DNAH5: variants seen among roughly 807,000 people sequenced by gnomAD.
DNAH5 encodes dynein axonemal heavy chain 5.
DNAH5 carries 372 observed loss-of-function variants against 518.2 expected under a neutral mutation model. The ratio of observed to expected loss-of-function variants is 0.72; its 90% CI spans 0.66 to 0.78. The LOEUF is 0.78. DNAH5 is among the 30% of genes least tolerant of loss of function. The pLI is 0.00. For synonymous variants in DNAH5, 2,039 were observed against 2,025.9 expected, an observed-to-expected ratio of 1.01 and a Z score of -0.17; for missense variants, 5,523 against 5,687.0, an observed-to-expected ratio of 0.97 and a Z score of 0.93.
In DNAH5 at chr5:13,724,243, A is replaced by G. The variant is rs143981715; in HGVS notation, c.12034-2998T>C. ...CCTTGCACCAGTGTGCCTTGGATGC[A>G]GGACACGGGGTCAAAGGAAATTATT... On this transcript the variant is annotated intron_variant, in intron 70 of 78. Transcript: ENST00000265104. Among the ~76,000 whole-genome samples the G allele has an allele frequency of 3.0e-4, 46 of 152,370 alleles. No homozygotes were observed. In the East Asian group the frequency reaches 8.1e-3, roughly 27 times the overall value.
intron 16 of DNAH5, among the ~76,000 whole-genome samples, chr5:13,891,754 TC>T (rs1221382654): frequency 6.6e-6 from 1 of 152,226 alleles, no homozygotes; most frequent in African/African-American, 2.4e-5. Context: ...AAGTGAAAGT[TC>T]CCTATTTTTT....
At chr5:13,735,072 C>T in intron 68 of DNAH5, 59 bp downstream of exon 68, 1 of 1,529,068 alleles carries the variant, frequency 6.5e-7, no homozygotes, top group Non-Finnish European at 9.0e-7. Flanking sequence ...CTGCAAAGGG[C>T]TTTCACAATA....
chr5:13,830,308 T>A, intron 36 of DNAH5, 95 bp from the exon 37 acceptor site: 1 of 1,194,838 alleles, frequency 8.4e-7, no homozygotes, highest in Non-Finnish European at 1.2e-6. Flanking sequence ...GAGCCAGATG[T>A]AAGTTCATTC....
intron 1 of DNAH5, among the ~76,000 whole-genome samples, chr5:14,011,548 C>T (rs1234841606): frequency 1.3e-5 from 2 of 152,154 alleles, no homozygotes. Context: ...TCTCTGCCGC[C>T]AACCCCGCGA....
At chr5:13,748,878 T>A (rs1321852509) in intron 65 of DNAH5, among the ~76,000 whole-genome samples, 5 of 152,012 alleles carry the variant, frequency 3.3e-5, no homozygotes. Context: ...TATTTCTTTC[T>A]CCTGCTTGAT....
intron 22 of DNAH5, among the ~76,000 whole-genome samples, chr5:13,872,195 T>G (rs17209452): frequency 0.017 from 2,605 of 152,254 alleles, 30 homozygotes; most frequent in Non-Finnish European, 0.028. Flanking sequence ...CTGAACCCAC[T>G]GGAAGCCTCA....
chr5:13,779,970 T>C (rs1473531998), intron 53 of DNAH5, among the ~76,000 whole-genome samples: 3 of 152,210 alleles, frequency 2.0e-5, no homozygotes, highest in Non-Finnish European at 2.9e-5. Context: ...GAGCAACTCA[T>C]CAATGGTTTC....
intron 1 of DNAH5, among the ~76,000 whole-genome samples, chr5:13,938,987 C>A (rs924305717): frequency 1.3e-5 from 2 of 152,164 alleles, no homozygotes; most frequent in Non-Finnish European, 2.9e-5. Context: ...TCTTTTCTTT[C>A]TTTAAAGACA....
intron 76 of DNAH5, among the ~76,000 whole-genome samples, chr5:13,703,877 G>C (rs1056481850): frequency 6.6e-6 from 1 of 152,146 alleles, no homozygotes; most frequent in Non-Finnish European, 1.5e-5. Flanking sequence ...TGGGTCCAAG[G>C]CTCTAGTTCT....
At position 13,916,788 on chromosome 5, in the gene DNAH5, T is replaced by TA. The variant is rs559651339; in HGVS notation, c.1090-334dup. Among the ~76,000 whole-genome samples, 19 of 151,136 alleles carry TA rather than the reference T, an allele frequency of 1.3e-4. No homozygotes were observed. The South Asian group carries it at 1.7e-3, about 13-fold the overall frequency. On this transcript the variant is annotated intron_variant, in intron 8 of 78. Coordinates refer to ENST00000265104, the MANE Select transcript of DNAH5 (RefSeq NM_001369.3). ...CAGGCACTTCCGAAAGCTAAAAGAT[T>TA]AAAAAAAAACATCACTAGCTAATGA...
At chr5:13,912,831 G>A (rs1180447614) in intron 11 of DNAH5, among the ~76,000 whole-genome samples, 3 of 151,810 alleles carry the variant, frequency 2.0e-5, no homozygotes, top group African/African-American at 7.2e-5. Flanking sequence ...GATTAATCGT[G>A]ACCTTTACAT....
chr5:13,772,724 G>A (rs921539719), intron 55 of DNAH5, among the ~76,000 whole-genome samples: 1 of 152,164 alleles, frequency 6.6e-6, no homozygotes, highest in Non-Finnish European at 1.5e-5. Context: ...ACAAAATCCA[G>A]TATCAGCCCT....
intron 25 of DNAH5, among the ~76,000 whole-genome samples, chr5:13,867,043 T>C (rs1470218856): frequency 9.2e-5 from 14 of 152,214 alleles, no homozygotes; most frequent in Non-Finnish European, 1.5e-5. Context: ...GTGTTATTTG[T>C]GTAACCAAGG....
At chr5:13,795,959 T>C (rs893271422) in intron 47 of DNAH5, among the ~76,000 whole-genome samples, 4 of 152,222 alleles carry the variant, frequency 2.6e-5, no homozygotes, top group Non-Finnish European at 2.9e-5. Context: ...CACATGATTA[T>C]CTCAATAGAT....
intron 61 of DNAH5, among the ~76,000 whole-genome samples, chr5:13,756,948 C>T (rs1561186088): frequency 6.6e-6 from 1 of 152,166 alleles, no homozygotes; most frequent in Admixed American, 6.5e-5. Context: ...TAAGTGAAAA[C>T]ATGTGGCATT....
intron 75 of DNAH5, among the ~76,000 whole-genome samples, chr5:13,711,202 G>T (rs1162002872): frequency 6.6e-6 from 1 of 152,134 alleles, no homozygotes; most frequent in Admixed American, 6.5e-5. Flanking sequence ...GGGATGCAGG[G>T]ATGGTTTAAC....
intron 1 of DNAH5, among the ~76,000 whole-genome samples, chr5:13,968,409 C>A (rs1483173387): frequency 1.3e-5 from 2 of 152,084 alleles, no homozygotes; most frequent in African/African-American, 4.8e-5. Context: ...GGGGGGAATG[C>A]TTTCAACTTT....
intron 16 of DNAH5, among the ~76,000 whole-genome samples, chr5:13,891,834 A>G (rs989897920): frequency 6.6e-6 from 1 of 152,202 alleles, no homozygotes; most frequent in African/African-American, 2.4e-5. Flanking sequence ...GCTAAGTTCA[A>G]TGGATGCAAA....
At chr5:13,984,632 T>A (rs1450759530) in intron 1 of DNAH5, among the ~76,000 whole-genome samples, 2 of 152,236 alleles carry the variant, frequency 1.3e-5, no homozygotes, top group African/African-American at 4.8e-5. Flanking sequence ...TGCTTCCAGT[T>A]TTTGCCCATT....
Sources: allele counts gnomAD v4.1 joint callset (sites outside exome capture counted in the v4.1 genomes callset), GRCh38; gene constraint gnomAD v4.1.1; transcripts MANE v1.5; gene names NCBI Gene and HGNC (gene_info 2026-07-23, HGNC 2026-07-21).